The following GRIK2 variants were observed in gnomAD, a reference collection of about 807,000 sequenced individuals.
GRIK2 encodes glutamate ionotropic receptor kainate type subunit 2.
In GRIK2, 32 loss-of-function variants were observed where a neutral mutation model predicts 100.3. That is an observed-to-expected ratio of 0.32 (90% confidence interval 0.24 to 0.43). GRIK2 has a LOEUF of 0.43. Among genes scored for constraint, GRIK2 ranks in the 20% least tolerant of loss-of-function variants. The pLI is 1.00. For synonymous variants in GRIK2, 417 were observed against 389.4 expected (o/e 1.07, Z -0.83); for missense variants, 843 against 1,114.9 (o/e 0.76, Z 3.47).
chr6:101,559,236 G>C (rs1386748870), intron 2 of GRIK2, among the ~76,000 whole-genome samples: 1 of 151,964 alleles, frequency 6.6e-6, no homozygotes, highest in Non-Finnish European at 1.5e-5. Flanking sequence ...TATAGTTTAA[G>C]TAAATATAGC....
chr6:101,834,387 G>T (rs1782921069), intron 10 of GRIK2, among the ~76,000 whole-genome samples: 1 of 151,534 alleles, frequency 6.6e-6, no homozygotes, highest in Non-Finnish European at 1.5e-5. Context: ...TGCTATTTGG[G>T]TTTTTTTGGA....
chr6:101,629,210 C>G (rs919117389), intron 4 of GRIK2, among the ~76,000 whole-genome samples: 1 of 151,980 alleles, frequency 6.6e-6, no homozygotes, highest in African/African-American at 2.4e-5. Context: ...TTTGCCACTC[C>G]CTTGGCTTTG....
intron 2 of GRIK2, among the ~76,000 whole-genome samples, chr6:101,402,916 G>T (rs1391249144): frequency 3.9e-5 from 6 of 152,186 alleles, no homozygotes; most frequent in African/African-American, 1.4e-4. Flanking sequence ...GTCCGCGGGG[G>T]TGTGACCAAT....
intron 2 of GRIK2, among the ~76,000 whole-genome samples, chr6:101,450,429 A>G (rs1329098680): frequency 6.6e-6 from 1 of 151,696 alleles, no homozygotes; most frequent in Non-Finnish European, 1.5e-5. Context: ...GAAATATGGC[A>G]GATTGAAAGT....
intron 2 of GRIK2, among the ~76,000 whole-genome samples, chr6:101,513,826 AG>A (rs2128279003): frequency 8.8e-6 from 1 of 113,826 alleles, no homozygotes; most frequent in East Asian, 2.5e-4. Context: ...TGGTCAGATA[AG>A]TATTTATCTT....
At chr6:101,567,760 C>A (rs2128297946) in intron 2 of GRIK2, among the ~76,000 whole-genome samples, 1 of 151,952 alleles carries the variant, frequency 6.6e-6, no homozygotes, top group South Asian at 2.1e-4. Flanking sequence ...TAGGTTCATC[C>A]CATATGTCAA....
At chr6:101,606,974 T>G (rs1288402007) in intron 2 of GRIK2, among the ~76,000 whole-genome samples, 1 of 151,926 alleles carries the variant, frequency 6.6e-6, no homozygotes, top group Non-Finnish European at 1.5e-5. Context: ...GAAAAACAAA[T>G]GGTGCTTTTA....
chr6:101,444,276 T>A (rs1770244118), intron 2 of GRIK2, among the ~76,000 whole-genome samples: 1 of 152,090 alleles, frequency 6.6e-6, no homozygotes, highest in Non-Finnish European at 1.5e-5. Flanking sequence ...GTAGAATTTT[T>A]CCTATATGCT....
At chr6:101,739,969 G>T (rs775981871) in intron 7 of GRIK2, among the ~76,000 whole-genome samples, 2 of 151,988 alleles carry the variant, frequency 1.3e-5, no homozygotes, top group Non-Finnish European at 2.9e-5. Context: ...CATTGTTTTC[G>T]TAGTTGCTCA....
At chr6:101,993,975 TTACA>T (rs978985611) in intron 14 of GRIK2, 8 of 147,836 alleles carry the variant, frequency 5.4e-5, no homozygotes, top group African/African-American at 1.7e-4. Context: ...TATATATACA[TTACA>T]TACAATGTAT....
At chr6:101,638,450 G>A (rs747793492) in intron 4 of GRIK2, among the ~76,000 whole-genome samples, 2 of 151,564 alleles carry the variant, frequency 1.3e-5, no homozygotes, top group East Asian at 1.9e-4. Flanking sequence ...GTATTAAGAA[G>A]GGTTGCCAGA....
intron 14 of GRIK2, among the ~76,000 whole-genome samples, chr6:102,031,203 T>C (rs988295797): frequency 2.0e-5 from 3 of 150,614 alleles, no homozygotes. Context: ...CTTAGACTGA[T>C]GCTATGTGCT....
chr6:101,862,333 T>A (rs1784778273), intron 11 of GRIK2, among the ~76,000 whole-genome samples: 1 of 152,186 alleles, frequency 6.6e-6, no homozygotes, highest in Non-Finnish European at 1.5e-5. Flanking sequence ...TATTTTGATT[T>A]CCTTCACATG....
chr6:101,724,194 T>A (rs563292025), intron 7 of GRIK2, among the ~76,000 whole-genome samples: 33 of 151,268 alleles, frequency 2.2e-4, no homozygotes, highest in South Asian at 1.0e-3. Flanking sequence ...AAAAAAAAAA[T>A]TTAACTTTTA....
chr6:101,949,487 C>A (rs1375820812), intron 14 of GRIK2, among the ~76,000 whole-genome samples: 3 of 152,062 alleles, frequency 2.0e-5, no homozygotes, highest in African/African-American at 7.2e-5. Context: ...TTAAGTATTT[C>A]TCCTAATGCT....
chr6:102,022,075 T>A (rs916089532), intron 14 of GRIK2, among the ~76,000 whole-genome samples: 5 of 150,640 alleles, frequency 3.3e-5, no homozygotes, highest in Non-Finnish European at 1.5e-5. Flanking sequence ...TGAAGCATAG[T>A]TCTCTTGGTT....
intron 2 of GRIK2, among the ~76,000 whole-genome samples, chr6:101,620,834 G>A (rs890456641): frequency 2.0e-5 from 3 of 152,066 alleles, no homozygotes; most frequent in African/African-American, 7.2e-5. Context: ...TTCTTTTGGA[G>A]GCAAAGGCCT....
chr6:101,526,386 A>G (rs556144703), intron 2 of GRIK2, among the ~76,000 whole-genome samples: 2 of 152,272 alleles, frequency 1.3e-5, no homozygotes, highest in East Asian at 3.9e-4. Flanking sequence ...TATTTAGAAA[A>G]CTATATGCAT....
chr6:102,003,307 A>C (rs1795045016), intron 14 of GRIK2, among the ~76,000 whole-genome samples: 2 of 151,672 alleles, frequency 1.3e-5, no homozygotes, highest in Non-Finnish European at 3.0e-5. Context: ...TAAACATGGG[A>C]CAAATGGAAT....
Sources: allele counts gnomAD v4.1 joint callset (sites outside exome capture counted in the v4.1 genomes callset), GRCh38; gene constraint gnomAD v4.1.1; transcripts MANE v1.5; gene names NCBI Gene and HGNC (gene_info 2026-07-23, HGNC 2026-07-21).